The following NEK1 variants were observed in gnomAD, a reference collection of about 807,000 sequenced individuals.
NEK1 encodes the protein NIMA related kinase 1, also known as serine/threonine-protein kinase Nek1.
In NEK1, 137 loss-of-function variants were observed where a neutral mutation model predicts 182.1. The observed-to-expected ratio is 0.75, with a 90% CI of 0.65 to 0.87. The LOEUF is 0.87. Among genes scored for constraint, NEK1 ranks in the 40% least tolerant of loss-of-function variants. The pLI, the probability that NEK1 is intolerant of heterozygous loss-of-function variation, is 0.00. For synonymous variants in NEK1, 513 were observed against 492.2 expected (o/e 1.04, Z -0.56); for missense variants, 1,391 against 1,494.4 (o/e 0.93, Z 1.14).
At chr4:169,408,908 T>C (rs1195504224) in intron 31 of NEK1, among the ~76,000 whole-genome samples, 10 of 152,352 alleles carry the variant, frequency 6.6e-5, no homozygotes, top group South Asian at 2.1e-4. Context: ...ATCTTTGCAA[T>C]TGCAAATTGT....
intron 12 of NEK1, among the ~76,000 whole-genome samples, chr4:169,562,443 T>C (rs955575216): frequency 6.6e-6 from 1 of 152,112 alleles, no homozygotes; most frequent in African/African-American, 2.4e-5. Flanking sequence ...AGTTTTGTGT[T>C]CAGGTATGGA....
chr4:169,594,675 AG>A, intron 5 of NEK1, among the ~76,000 whole-genome samples: 1 of 152,196 alleles, frequency 6.6e-6, no homozygotes, highest in East Asian at 1.9e-4. Context: ...CCTATTTGTT[AG>A]AAAAAAAATT....
In NEK1 at chr4:169,438,264, G is replaced by A. The variant is rs1738798036; in HGVS notation, c.2588-5C>T. 2.0e-6 allele frequency: 3 copies of A among 1,513,550 alleles called. No homozygotes were observed. 93.8% of individuals were successfully genotyped at this position (1,513,550 alleles called of 1,614,324 possible). On this transcript the variant is annotated splice_polypyrimidine_tract_variant and splice_region_variant and intron_variant, in intron 27 of 35. Transcript: ENST00000507142. The stretch of plus-strand genomic sequence containing the variant: ...TTTCCCCTTCGGGAGAAATCTCTGT[G>A]AAAACAAAAAATAAAAAATCATGCT...
In NEK1 at chr4:169,432,939, A is replaced by G. The variant is rs370163128; in HGVS notation, c.2885+606T>C. On this transcript the variant is annotated intron_variant, in intron 29 of 35. Transcript: ENST00000507142. Reference sequence around the variant, plus strand: ...TAGGCACCCGCCGCCATGCCTGGCTAATTTTTGTAGAGATGGGGTTTTGCC... The same window carrying G: ...TAGGCACCCGCCGCCATGCCTGGCTGATTTTTGTAGAGATGGGGTTTTGCC... 6.1e-4 allele frequency among the ~76,000 whole-genome samples: 93 copies of G among 152,214 alleles called. 1 individual carries two copies. In the South Asian group the frequency reaches 0.018, roughly 30 times the overall value.
chr4:169,444,900 C>A (rs1473071062), intron 27 of NEK1, among the ~76,000 whole-genome samples: 1 of 152,174 alleles, frequency 6.6e-6, no homozygotes, highest in African/African-American at 2.4e-5. Context: ...ATATCAAGTA[C>A]CTTCTCAGAC....
At chr4:169,468,314 C>T (rs918135158) in intron 26 of NEK1, among the ~76,000 whole-genome samples, 2 of 151,986 alleles carry the variant, frequency 1.3e-5, no homozygotes, top group Admixed American at 6.6e-5. Flanking sequence ...AAAGTTGCCC[C>T]TGGGAGGATA....
chr4:169,499,652 T>G (rs1261441207), intron 23 of NEK1, among the ~76,000 whole-genome samples: 1 of 151,942 alleles, frequency 6.6e-6, no homozygotes, highest in Non-Finnish European at 1.5e-5. Context: ...TCTGTTGGAG[T>G]TTGCTGGAGA....
At chr4:169,442,555 C>T (rs1739682155) in intron 27 of NEK1, among the ~76,000 whole-genome samples, 1 of 152,110 alleles carries the variant, frequency 6.6e-6, no homozygotes, top group African/African-American at 2.4e-5. Flanking sequence ...AAACATGATA[C>T]CTCCAAAAGA....
At chr4:169,538,000 A>G (rs1434999057) in intron 18 of NEK1, 89 bp from the exon 19 acceptor site, 1 of 842,514 alleles carries the variant, frequency 1.2e-6, no homozygotes, top group East Asian at 2.5e-5. Flanking sequence ...TTTTTTTTTC[A>G]TTTCAGAATA....
intron 27 of NEK1, among the ~76,000 whole-genome samples, chr4:169,452,760 A>G (rs923196911): frequency 8.5e-5 from 13 of 152,198 alleles, no homozygotes; most frequent in African/African-American, 1.2e-4. Context: ...GCACAAGACA[A>G]GGATGCCCTC....
At chr4:169,590,348 A>G (rs941358476) in intron 6 of NEK1, among the ~76,000 whole-genome samples, 1 of 151,718 alleles carries the variant, frequency 6.6e-6, no homozygotes, top group Non-Finnish European at 1.5e-5. Flanking sequence ...AGACAGACAG[A>G]CAGGCAAAAG....
intron 8 of NEK1, among the ~76,000 whole-genome samples, chr4:169,588,078 G>A (rs1469104107): frequency 6.6e-6 from 1 of 152,084 alleles, no homozygotes; most frequent in African/African-American, 2.4e-5. Flanking sequence ...TTTAATGGTA[G>A]AATTGCTCTT....
intron 26 of NEK1, among the ~76,000 whole-genome samples, chr4:169,463,771 G>T (rs1744423872): frequency 6.6e-6 from 1 of 152,032 alleles, no homozygotes; most frequent in Non-Finnish European, 1.5e-5. Flanking sequence ...GAATCTTGTT[G>T]ATGGGACCAA....
At chr4:169,523,724 CATA>C (rs567452292) in intron 19 of NEK1, among the ~76,000 whole-genome samples, 174 of 152,300 alleles carry the variant, frequency 1.1e-3, no homozygotes, top group African/African-American at 3.6e-3. Context: ...CGATGCCTGG[CATA>C]ATAAGCTTTC....
chr4:169,423,291 T>A (rs963148832), intron 31 of NEK1, among the ~76,000 whole-genome samples: 1 of 152,012 alleles, frequency 6.6e-6, no homozygotes, highest in Non-Finnish European at 1.5e-5. Flanking sequence ...TTAGTAGAGA[T>A]GGGGTTTTGC....
chr4:169,579,767 G>A (rs1158202221), intron 11 of NEK1, among the ~76,000 whole-genome samples: 1 of 146,974 alleles, frequency 6.8e-6, no homozygotes, highest in Non-Finnish European at 1.5e-5. Context: ...CCAGCCCGGC[G>A]ACAGAGCAAG....
Position 169,419,081 on chromosome 4 carries a change from TAAAACCTTACTCCA to T in NEK1, c.3222+5458_3222+5471del, listed in dbSNP as rs553693608. On this transcript the variant is annotated intron_variant, in intron 31 of 35. Coordinates refer to ENST00000507142, the MANE Select transcript of NEK1 (RefSeq NM_001199397.3). ...CAAACCTACCACACTGCTAGTCCTATAAAACCTTACTCCAAAAACCTTACTCCCCAAAACCCTTA... is the reference window on the plus strand; with the variant it reads ...CAAACCTACCACACTGCTAGTCCTATAAAACCTTACTCCCCAAAACCCTTA... Among the ~76,000 whole-genome samples, 953 of 152,190 alleles carry T rather than the reference TAAAACCTTACTCCA, an allele frequency of 6.3e-3. 9 individuals carry two copies. Among genetic ancestry groups the T allele is most frequent in the African/African-American group, 0.022 (910 of 41,540 alleles).
In NEK1 at chr4:169,574,677, C is replaced by G. The variant is rs187868651; in HGVS notation, c.1020+2251G>C. Among the ~76,000 whole-genome samples, 9 of 150,070 alleles carry G rather than the reference C, an allele frequency of 6.0e-5. No homozygotes were observed. The East Asian group carries it at 1.2e-3, about 20-fold the overall frequency. ...TAACACAGAAGAGCAGTAGGTGATA[C>G]AGTCTGGTAGCAAAAGCATCAAGGT... On this transcript the variant is annotated intron_variant, in intron 12 of 35. Coordinates refer to ENST00000507142, the MANE Select transcript of NEK1 (RefSeq NM_001199397.3).
Position 169,602,618 on chromosome 4 carries a change from C to G in NEK1, c.13G>C (p.Val5Leu). Residue 5 changes from valine to leucine, a missense_variant, in exon 3 of 36, where the codon GTT (valine) becomes CTT (leucine). This residue lies in a region of NEK1 where 42 missense variants were observed against 47.9 expected (regional missense o/e 0.88). Coordinates refer to ENST00000507142, the MANE Select transcript of NEK1 (RefSeq NM_001199397.3). Reference sequence around the variant, plus strand: ...CCTTCTCCAATCTTCTGTAGTCTAACATACTTCTCCATGATTCTTTTTCTA... The same window carrying G: ...CCTTCTCCAATCTTCTGTAGTCTAAGATACTTCTCCATGATTCTTTTTCTA... MEKYVRLQKIGEGSF... is the reference protein window; with the variant it reads MEKYLRLQKIGEGSF... 1 of 1,579,226 alleles carries G rather than the reference C, an allele frequency of 6.3e-7. No homozygotes were observed. The highest frequency in any genetic ancestry group is 8.7e-7 in the Non-Finnish European group (1 of 1,149,708).
Sources: allele counts gnomAD v4.1 joint callset (sites outside exome capture counted in the v4.1 genomes callset), GRCh38; gene constraint gnomAD v4.1.1; regional missense constraint gnomAD v4.1.1; transcripts MANE v1.5; gene names NCBI Gene and HGNC (gene_info 2026-07-23, HGNC 2026-07-21).